Variants in SLC44A5 observed in about 807,000 individuals in gnomAD.
SLC44A5 encodes choline transporter-like protein 5.
In SLC44A5, 57 loss-of-function variants were observed where a neutral mutation model predicts 101.8. The ratio of observed to expected loss-of-function variants is 0.56; its 90% CI spans 0.45 to 0.70. The LOEUF is 0.70. SLC44A5 is among the 30% of genes least tolerant of loss of function. The pLI is 0.00. For missense variants in SLC44A5, 737 were observed against 853.1 expected (o/e 0.86, Z 1.70); for synonymous variants, 281 against 290.9 (o/e 0.97, Z 0.35).
rs184037882 is a variant in SLC44A5 at position 75,222,740 on chromosome 1, A to C, written c.986-280T>G. ...TTCACACAACTTGTAGAACTTAGAA[A>C]ATAGGAATGGAAAAAGGGAAGGGCT... On this transcript the variant is annotated intron_variant, in intron 13 of 23. Transcript: ENST00000370859. Among the ~76,000 whole-genome samples, 102 of 152,324 alleles carry C rather than the reference A, an allele frequency of 6.7e-4. 1 individual carries two copies. The highest frequency in any genetic ancestry group is 2.3e-3 in the African/African-American group (95 of 41,584).
At chr1:75,548,038 TTTTTA>T (rs1671746613) in intron 1 of SLC44A5, among the ~76,000 whole-genome samples, 2 of 152,188 alleles carry the variant, frequency 1.3e-5, no homozygotes, top group South Asian at 2.1e-4. Flanking sequence ...AACCTTATAC[TTTTTA>T]TTTTAATACT....
At chr1:75,520,929 T>G (rs373928170) in intron 2 of SLC44A5, among the ~76,000 whole-genome samples, 1 of 151,406 alleles carries the variant, frequency 6.6e-6, no homozygotes. Flanking sequence ...TCAAGTTTGC[T>G]TTGACAGGGA....
chr1:75,211,939 C>A (rs1225309771), intron 22 of SLC44A5, among the ~76,000 whole-genome samples: 1 of 126,826 alleles, frequency 7.9e-6, no homozygotes. Flanking sequence ...CTTTCTTTTT[C>A]TTAATAAAAC....
intron 3 of SLC44A5, among the ~76,000 whole-genome samples, chr1:75,393,573 C>T (rs192518691): frequency 1.3e-5 from 2 of 152,100 alleles, no homozygotes; most frequent in Admixed American, 1.3e-4. Flanking sequence ...AATATATTTG[C>T]TTTTGTGGTT....
chr1:75,367,421 G>T (rs1321407594), intron 3 of SLC44A5, among the ~76,000 whole-genome samples: 1 of 152,180 alleles, frequency 6.6e-6, no homozygotes, highest in Non-Finnish European at 1.5e-5. Flanking sequence ...TATGCTTCAG[G>T]ATCCACAGTT....
intron 2 of SLC44A5, among the ~76,000 whole-genome samples, chr1:75,473,711 A>C (rs1270481884): frequency 1.3e-5 from 2 of 152,242 alleles, no homozygotes; most frequent in East Asian, 3.9e-4. Flanking sequence ...TTATTTTACA[A>C]GTGCTTTTTC....
chr1:75,459,838 G>T (rs1291541886), intron 2 of SLC44A5, among the ~76,000 whole-genome samples: 1 of 152,138 alleles, frequency 6.6e-6, no homozygotes, highest in Non-Finnish European at 1.5e-5. Context: ...TCATTATTTA[G>T]ATAGGGTCTC....
At chr1:75,655,329 C>T in the SLC44A5 span, among the ~76,000 whole-genome samples, 2 of 152,298 alleles carry the variant, frequency 1.3e-5, no homozygotes, top group South Asian at 4.1e-4. Context: ...AGCTATGCAG[C>T]ACCAGGAAGA....
At chr1:75,662,910 C>T in the SLC44A5 span, among the ~76,000 whole-genome samples, 1 of 152,060 alleles carries the variant, frequency 6.6e-6, no homozygotes, top group African/African-American at 2.4e-5. Context: ...ACAAACTCTC[C>T]AGCTGCTCTT....
chr1:75,259,031 C>T (rs1357813720), intron 6 of SLC44A5, among the ~76,000 whole-genome samples: 2 of 152,126 alleles, frequency 1.3e-5, no homozygotes, highest in South Asian at 4.1e-4. Context: ...AGGTCACTGA[C>T]TTTAAAGACC....
intron 2 of SLC44A5, among the ~76,000 whole-genome samples, chr1:75,514,894 T>C (rs922964097): frequency 6.6e-6 from 1 of 152,200 alleles, no homozygotes; most frequent in African/African-American, 2.4e-5. Context: ...ACATGGACCC[T>C]ATGGATGGAG....
At position 75,598,970 on chromosome 1, in the gene SLC44A5, T is replaced by C. The variant is rs530585711; in HGVS notation, c.-70+12070A>G. ...TTCATAAACAAATATATATATAATG[T>C]TGTTTAGACTATTACATTTCCACAG... On this transcript the variant is annotated intron_variant, in intron 1 of 23. Transcript: ENST00000370859. Among the ~76,000 whole-genome samples the C allele has an allele frequency of 2.6e-5, 4 of 152,294 alleles. No homozygotes were observed. The South Asian group carries it at 8.3e-4, about 32-fold the overall frequency.
At chr1:75,304,529 G>A (rs1031199498) in intron 4 of SLC44A5, among the ~76,000 whole-genome samples, 4 of 152,230 alleles carry the variant, frequency 2.6e-5, no homozygotes, top group Non-Finnish European at 4.4e-5. Context: ...TGTGTTAGAC[G>A]TTGTAGTGCC....
intron 1 of SLC44A5, among the ~76,000 whole-genome samples, chr1:75,564,165 G>C (rs943026911): frequency 1.3e-5 from 2 of 152,058 alleles, no homozygotes; most frequent in Admixed American, 6.6e-5. Flanking sequence ...ATATCAAATG[G>C]GCTAGACTGA....
chr1:75,488,250 A>G (rs1668255884), intron 2 of SLC44A5, among the ~76,000 whole-genome samples: 1 of 152,118 alleles, frequency 6.6e-6, no homozygotes, highest in Non-Finnish European at 1.5e-5. Flanking sequence ...TCCCCTCCCA[A>G]AGTCCGTGGA....
chr1:75,388,791 A>AG (rs991089179), intron 3 of SLC44A5, among the ~76,000 whole-genome samples: 3 of 151,782 alleles, frequency 2.0e-5, no homozygotes, highest in East Asian at 3.9e-4. Flanking sequence ...AAAAAAAAAA[A>AG]CAAACAAAAA....
chr1:75,537,033 A>AAAAAAAAAAAATATATATATATAT (rs35829590), intron 2 of SLC44A5, among the ~76,000 whole-genome samples: 4 of 43,042 alleles, frequency 9.3e-5, no homozygotes, highest in Non-Finnish European at 1.2e-4. Flanking sequence ...AAAAAAAAAA[A>AAAAAAAAAAAATATATATATATAT]ATATATATCT....
At chr1:75,558,557 G>C (rs72684168) in intron 1 of SLC44A5, among the ~76,000 whole-genome samples, 1 of 152,098 alleles carries the variant, frequency 6.6e-6, no homozygotes, top group Non-Finnish European at 1.5e-5. Flanking sequence ...TAATATGGCT[G>C]TAGGTTGGTT....
intron 2 of SLC44A5, among the ~76,000 whole-genome samples, chr1:75,423,166 T>C (rs913044951): frequency 1.3e-5 from 2 of 152,188 alleles, no homozygotes; most frequent in African/African-American, 4.8e-5. Flanking sequence ...GCTATAGTAC[T>C]CTCTACGGAA....
Sources: gnomAD v4.1 joint callset for allele counts (sites outside exome capture counted in the v4.1 genomes callset) on GRCh38, gnomAD v4.1.1 for gene constraint, MANE v1.5 for transcripts, NCBI Gene and HGNC (gene_info 2026-07-23, HGNC 2026-07-21) for gene names.